Variants in PRIM2 observed in about 807,000 individuals in gnomAD.
PRIM2 encodes DNA primase subunit 2, also known as DNA primase large subunit.
PRIM2 carries 39 observed loss-of-function variants against 67.3 expected under a neutral mutation model. The ratio of observed to expected loss-of-function variants is 0.58; its 90% CI spans 0.45 to 0.76. The LOEUF is 0.76. Ranked by LOEUF, PRIM2 falls within the 30% of genes least tolerant of loss-of-function variation. The pLI, the probability that PRIM2 is intolerant of heterozygous loss-of-function variation, is 0.00. For missense variants in PRIM2, 398 were observed against 598.7 expected (o/e 0.66, Z 3.50); for synonymous variants, 143 against 198.7 (o/e 0.72, Z 2.36).
At chr6:57,484,325 G>T (rs1383087493) in intron 7 of PRIM2, among the ~76,000 whole-genome samples, 1 of 152,190 alleles carries the variant, frequency 6.6e-6, no homozygotes, top group Non-Finnish European at 1.5e-5. Context: ...AAGTAACAGA[G>T]ATAGGGATTG....
At chr6:57,457,832 C>T (rs369622613) in intron 7 of PRIM2, among the ~76,000 whole-genome samples, 13 of 152,274 alleles carry the variant, frequency 8.5e-5, no homozygotes, top group South Asian at 4.1e-4. Context: ...GAGATGAACC[C>T]GGTACCTCGG....
At chr6:57,232,072 T>G in the PRIM2 span, among the ~76,000 whole-genome samples, 1 of 152,330 alleles carries the variant, frequency 6.6e-6, no homozygotes, top group East Asian at 1.9e-4. Flanking sequence ...TGTCTTGAAT[T>G]TCTTCCAAAG....
At chr6:57,458,042 G>T (rs551985844) in intron 7 of PRIM2, among the ~76,000 whole-genome samples, 8 of 151,982 alleles carry the variant, frequency 5.3e-5, no homozygotes, top group African/African-American at 1.9e-4. Context: ...CAGTTCTTTC[G>T]TTTTCTTAGT....
intron 10 of PRIM2, among the ~76,000 whole-genome samples, chr6:57,547,446 C>G (rs1398677840): frequency 6.6e-6 from 1 of 152,086 alleles, no homozygotes; most frequent in African/African-American, 2.4e-5. Context: ...TGTGGGTGCT[C>G]GATGTTTAGC....
At chr6:57,354,751 G>C (rs1281862594) in intron 5 of PRIM2, among the ~76,000 whole-genome samples, 1 of 152,170 alleles carries the variant, frequency 6.6e-6, no homozygotes, top group Non-Finnish European at 1.5e-5. Flanking sequence ...GTAACGCAGG[G>C]CAAGATGATT....
chr6:57,528,130 A>ATTT (rs1186258196), intron 8 of PRIM2, among the ~76,000 whole-genome samples: 1 of 142,328 alleles, frequency 7.0e-6, no homozygotes. Flanking sequence ...CACCCAGCTA[A>ATTT]TTTTTTTTTT....
chr6:57,374,571 C>T (rs977509491), intron 5 of PRIM2, among the ~76,000 whole-genome samples: 59 of 148,622 alleles, frequency 4.0e-4, no homozygotes, highest in East Asian at 2.0e-3. Flanking sequence ...GGATTACAGG[C>T]GTGAGCCACC....
At chr6:57,233,846 A>G in the PRIM2 span, among the ~76,000 whole-genome samples, 4 of 152,076 alleles carry the variant, frequency 2.6e-5, no homozygotes, top group Non-Finnish European at 5.9e-5. Context: ...TATTTTTTAT[A>G]CAGACAGGAT....
the PRIM2 span, among the ~76,000 whole-genome samples, chr6:57,276,962 A>G: frequency 6.6e-6 from 1 of 152,096 alleles, no homozygotes; most frequent in African/African-American, 2.4e-5. Flanking sequence ...TCAAAGAAGC[A>G]TGGGGGAGAA....
intron 7 of PRIM2, among the ~76,000 whole-genome samples, chr6:57,470,864 C>G (rs1299440621): frequency 1.1e-4 from 16 of 152,114 alleles, no homozygotes; most frequent in African/African-American, 2.7e-4. Context: ...TTAGTTGTCC[C>G]TCCCTGCCAA....
At chr6:57,313,403 T>A (rs77426181), upstream of PRIM2, among the ~76,000 whole-genome samples, 1 of 152,202 alleles carries the variant, frequency 6.6e-6, no homozygotes, top group Non-Finnish European at 1.5e-5. Context: ...ATCCCCAGCA[T>A]AGAAAATGTT....
At chr6:57,597,096 C>T (rs1195534804) in intron 10 of PRIM2, among the ~76,000 whole-genome samples, 8 of 151,722 alleles carry the variant, frequency 5.3e-5, no homozygotes, top group Non-Finnish European at 1.2e-4. Flanking sequence ...ACGATGAGTA[C>T]GCAACCAAGT....
the PRIM2 span, among the ~76,000 whole-genome samples, chr6:57,238,533 A>G: frequency 3.3e-5 from 5 of 152,248 alleles, no homozygotes; most frequent in African/African-American, 7.2e-5. Flanking sequence ...AAGACACAAC[A>G]TACTAGAATT....
chr6:57,224,017 A>G, the PRIM2 span, among the ~76,000 whole-genome samples: 1 of 152,354 alleles, frequency 6.6e-6, no homozygotes, highest in South Asian at 2.1e-4. Context: ...AAAAATTTGT[A>G]CAACCATGTT....
chr6:57,459,508 A>G (rs1581928332), intron 7 of PRIM2, among the ~76,000 whole-genome samples: 2 of 152,194 alleles, frequency 1.3e-5, no homozygotes, highest in Admixed American at 1.3e-4. Flanking sequence ...GTTCCTGTAC[A>G]GTGATAAACT....
chr6:57,255,448 A>T, the PRIM2 span, among the ~76,000 whole-genome samples: 2 of 151,244 alleles, frequency 1.3e-5, no homozygotes, highest in African/African-American at 2.4e-5. Context: ...CAGTGAGCTG[A>T]GATCCCGCCA....
chr6:57,561,676 C>G lies in PRIM2; in HGVS notation c.1020+24051C>G, dbSNP rs1415072087. Among the ~76,000 whole-genome samples the G allele has an allele frequency of 1.4e-3, 208 of 152,350 alleles. 1 individual carries two copies. Among genetic ancestry groups the G allele is most frequent in the Non-Finnish European group, 2.3e-3 (157 of 68,030 alleles). On this transcript the variant is annotated intron_variant, in intron 10 of 13. Coordinates refer to ENST00000615550, the MANE Select transcript of PRIM2 (RefSeq NM_000947.5). The stretch of plus-strand genomic sequence containing the variant: ...TAATCTTCCATCTAGACTACTCAAT[C>G]TTTCTCCACATCAGCACTAAGCCTG...
intron 7 of PRIM2, among the ~76,000 whole-genome samples, chr6:57,415,434 A>C (rs1363764577): frequency 1.3e-5 from 2 of 152,176 alleles, no homozygotes; most frequent in East Asian, 3.8e-4. Context: ...ACCATCTTTT[A>C]AAAAACAATG....
At position 57,613,566 on chromosome 6, in the gene PRIM2, A is replaced by C. The variant is rs1776702352; in HGVS notation, c.1230+7109A>C. Among the ~76,000 whole-genome samples, 4 of 152,270 alleles carry C rather than the reference A, an allele frequency of 2.6e-5. No individual in the cohort carries two copies. In the South Asian group the frequency reaches 8.3e-4, roughly 32 times the overall value. ...AGCATAGTATCTGATCCATGTTAGG[A>C]ACTGTGAAGGATCTGAGATTTTACC... On this transcript the variant is annotated intron_variant, in intron 12 of 13. Coordinates refer to ENST00000615550, the MANE Select transcript of PRIM2 (RefSeq NM_000947.5).
Sources: gnomAD v4.1 joint callset for allele counts (sites outside exome capture counted in the v4.1 genomes callset) on GRCh38, gnomAD v4.1.1 for gene constraint, MANE v1.5 for transcripts, NCBI Gene and HGNC (gene_info 2026-07-23, HGNC 2026-07-21) for gene names.